Variants in CREBBP observed in about 807,000 individuals in gnomAD.
The protein encoded by CREBBP is CREB binding lysine acetyltransferase.
CREBBP carries 19 observed loss-of-function variants against 265.0 expected under a neutral mutation model. The ratio of observed to expected loss-of-function variants is 0.07; its 90% CI spans 0.05 to 0.11. CREBBP has a LOEUF of 0.11. Among genes scored for constraint, CREBBP ranks in the 10% least tolerant of loss-of-function variants. The pLI, the probability that CREBBP is intolerant of heterozygous loss-of-function variation, is 1.00. For synonymous variants in CREBBP, 1,457 were observed against 1,223.7 expected (o/e 1.19, Z -3.98); for missense variants, 2,525 against 3,219.0 (o/e 0.78, Z 5.22).
At chr16:3,805,426 AT>A (rs1485901956) in intron 3 of CREBBP, among the ~76,000 whole-genome samples, 1 of 152,244 alleles carries the variant, frequency 6.6e-6, no homozygotes, top group Non-Finnish European at 1.5e-5. Context: ...AGAGGGAGGT[AT>A]TAGACAAGCA....
intron 4 of CREBBP, 70 bp from the exon 5 acceptor site, chr16:3,792,164 T>G: frequency 8.2e-7 from 1 of 1,212,864 alleles, no homozygotes; most frequent in Non-Finnish European, 1.2e-6. Context: ...ATACCTAAAT[T>G]ATAATGCCAG....
intron 1 of CREBBP, among the ~76,000 whole-genome samples, chr16:3,853,007 T>C (rs1240890871): frequency 1.3e-5 from 2 of 151,700 alleles, no homozygotes; most frequent in Non-Finnish European, 2.9e-5. Flanking sequence ...AGAGGCAGTT[T>C]TTCCTAGTGG....
chr16:3,745,417 G>C (rs1015540620), intron 21 of CREBBP, 63 bp from the exon 22 acceptor site: 1 of 1,495,226 alleles, frequency 6.7e-7, no homozygotes, highest in Middle Eastern at 1.7e-4. Flanking sequence ...GTCACTTGTA[G>C]AAGTCTGTGT....
intron 28 of CREBBP, among the ~76,000 whole-genome samples, chr16:3,734,162 A>G (rs1245281755): frequency 6.6e-6 from 1 of 151,946 alleles, no homozygotes; most frequent in African/African-American, 2.4e-5. Flanking sequence ...CCCACCTGAC[A>G]CTATCGCGAG....
At chr16:3,820,165 A>G (rs1428982442) in intron 2 of CREBBP, among the ~76,000 whole-genome samples, 2 of 152,246 alleles carry the variant, frequency 1.3e-5, no homozygotes, top group Non-Finnish European at 2.9e-5. Context: ...ATCATTTGTA[A>G]AGCCAAAAGC....
At chr16:3,824,163 T>G (rs1045952911) in intron 2 of CREBBP, among the ~76,000 whole-genome samples, 2 of 152,290 alleles carry the variant, frequency 1.3e-5, no homozygotes, top group Admixed American at 6.5e-5. Context: ...AAATGGAGTT[T>G]CAAAAGGGAG....
intron 1 of CREBBP, among the ~76,000 whole-genome samples, chr16:3,864,895 C>T (rs2055146478): frequency 6.6e-6 from 1 of 152,190 alleles, no homozygotes; most frequent in African/African-American, 2.4e-5. Context: ...GGCAAAACCC[C>T]TCCTTTACTA....
At chr16:3,849,950 T>C (rs1324626218) in intron 2 of CREBBP, among the ~76,000 whole-genome samples, 1 of 152,100 alleles carries the variant, frequency 6.6e-6, no homozygotes, top group Admixed American at 6.5e-5. Flanking sequence ...CAACAGATAC[T>C]TCACTGGATG....
intron 1 of CREBBP, among the ~76,000 whole-genome samples, chr16:3,862,123 A>G (rs2055089327): frequency 6.6e-6 from 1 of 152,222 alleles, no homozygotes; most frequent in Admixed American, 6.5e-5. Context: ...GCCAATGGAC[A>G]CCAAGCCACA....
chr16:3,778,837 A>T lies in CREBBP; in HGVS notation c.1824-20T>A, dbSNP rs2141238689. The T allele has an allele frequency of 1.2e-6, 2 of 1,601,744 alleles. No individual in the cohort carries two copies. Among genetic ancestry groups the T allele is most frequent in the Non-Finnish European group, 1.7e-6 (2 of 1,169,254 alleles). ...TGGACGCTGAAAGGATAACACATCT[A>T]TCAAACTACTTTTTTTTTTCTTCTT... On this transcript the variant is annotated intron_variant, in intron 8 of 30. Transcript: ENST00000262367.
chr16:3,849,441 G>GA (rs2054762823), intron 2 of CREBBP, among the ~76,000 whole-genome samples: 3 of 17,966 alleles, frequency 1.7e-4, no homozygotes, highest in African/African-American at 3.1e-4. Context: ...GTGTGTGTGT[G>GA]TGTGTGTGTG....
intron 1 of CREBBP, among the ~76,000 whole-genome samples, chr16:3,868,102 G>C (rs1341915463): frequency 4.6e-5 from 7 of 152,110 alleles, no homozygotes; most frequent in Admixed American, 4.6e-4. Flanking sequence ...GCTACGCACA[G>C]TCCATCTCTA....
intron 2 of CREBBP, among the ~76,000 whole-genome samples, chr16:3,835,906 C>A (rs1043001125): frequency 2.6e-5 from 4 of 151,800 alleles, no homozygotes; most frequent in African/African-American, 9.7e-5. Context: ...TAGCTTCAAA[C>A]TGGAAACAAC....
At chr16:3,823,686 G>A (rs751764331) in intron 2 of CREBBP, among the ~76,000 whole-genome samples, 13 of 152,144 alleles carry the variant, frequency 8.5e-5, no homozygotes, top group African/African-American at 1.4e-4. Flanking sequence ...TCAAAGTTTA[G>A]GCAGCAAGGG....
chr16:3,873,396 C>T (rs1055516187), intron 1 of CREBBP, among the ~76,000 whole-genome samples: 3 of 152,080 alleles, frequency 2.0e-5, no homozygotes, highest in Non-Finnish European at 2.9e-5. Flanking sequence ...ACAGAATTCC[C>T]GGCTATGTAT....
At chr16:3,755,313 C>T (rs189403992) in intron 19 of CREBBP, among the ~76,000 whole-genome samples, 46 of 152,254 alleles carry the variant, frequency 3.0e-4, no homozygotes, top group African/African-American at 1.1e-3. Flanking sequence ...AGGGTACCAA[C>T]GGACCCAGGA....
chr16:3,818,181 G>C (rs1015704843), intron 2 of CREBBP, among the ~76,000 whole-genome samples: 2 of 152,190 alleles, frequency 1.3e-5, no homozygotes, highest in Non-Finnish European at 2.9e-5. Flanking sequence ...GTGACCAATG[G>C]GGGGCCGGGG....
rs2054810140 is a variant in CREBBP at position 3,850,570 on chromosome 16, G to A, written c.525C>T (p.Ile175=). The change falls in exon 2 of 31, where the codon ATC becomes ATT. Residue 175 remains isoleucine, a synonymous_variant. Transcript: ENST00000262367. ...SPATSQTGPG[I]CMNANFNQTH... is the part of the protein sequence containing the mutation. ...TCTGGTTAAAGTTAGCATTCATGCA[G>A]ATACCAGGTCCAGTCTGTGACGTGG... 1 of 1,614,150 alleles carries A rather than the reference G, an allele frequency of 6.2e-7. No homozygotes were observed. Among genetic ancestry groups the A allele is most frequent in the African/African-American group, 1.3e-5 (1 of 74,946 alleles).
intron 23 of CREBBP, among the ~76,000 whole-genome samples, chr16:3,744,489 T>C (rs2052293623): frequency 6.6e-6 from 1 of 152,256 alleles, no homozygotes; most frequent in Non-Finnish European, 1.5e-5. Context: ...GACTTTCATA[T>C]AACAATCAGG....
Sources: allele counts gnomAD v4.1 joint callset (sites outside exome capture counted in the v4.1 genomes callset), GRCh38; gene constraint gnomAD v4.1.1; transcripts MANE v1.5; gene names NCBI Gene and HGNC (gene_info 2026-07-23, HGNC 2026-07-21).